HYDIN: variants seen among roughly 807,000 people sequenced by gnomAD.
HYDIN encodes HYDIN axonemal central pair apparatus protein.
HYDIN carries 132 observed loss-of-function variants against 403.9 expected under a neutral mutation model. The observed-to-expected ratio is 0.33, with a 90% CI of 0.28 to 0.38. The LOEUF is 0.38. Among genes scored for constraint, HYDIN ranks in the 10% least tolerant of loss-of-function variants. The pLI, the probability that HYDIN is intolerant of heterozygous loss-of-function variation, is 1.00. For synonymous variants in HYDIN, 1,202 were observed against 1,891.7 expected, an observed-to-expected ratio of 0.64 and a Z score of 9.46; for missense variants, 2,827 against 5,009.5, an observed-to-expected ratio of 0.56 and a Z score of 13.15.
At chr16:71,228,901 C>T (rs2041157144) in intron 1 of HYDIN, among the ~76,000 whole-genome samples, 1 of 152,044 alleles carries the variant, frequency 6.6e-6, no homozygotes, top group Non-Finnish European at 1.5e-5. Flanking sequence ...GACTTGGAAC[C>T]AACCCAAATG....
At chr16:71,077,202 T>A (rs969087568) in intron 13 of HYDIN, among the ~76,000 whole-genome samples, 1 of 152,152 alleles carries the variant, frequency 6.6e-6, no homozygotes, top group African/African-American at 2.4e-5. Context: ...ATTAGTCTAT[T>A]TGCCTATGCT....
chr16:71,212,408 T>G (rs773529397), intron 1 of HYDIN, among the ~76,000 whole-genome samples: 4 of 152,108 alleles, frequency 2.6e-5, no homozygotes, highest in Non-Finnish European at 5.9e-5. Flanking sequence ...TGACTCTAAT[T>G]AAAGGGTATA....
At chr16:70,905,015 C>T (rs955434300) in intron 50 of HYDIN, among the ~76,000 whole-genome samples, 3 of 151,940 alleles carry the variant, frequency 2.0e-5, no homozygotes, top group African/African-American at 4.8e-5. Flanking sequence ...AGTAACTGAG[C>T]GAAGCAAACC....
At chr16:70,925,218 C>G (rs909453225) in intron 45 of HYDIN, among the ~76,000 whole-genome samples, 3 of 152,138 alleles carry the variant, frequency 2.0e-5, no homozygotes, top group African/African-American at 7.2e-5. Flanking sequence ...GGCATGGTGG[C>G]TCATGCCTGT....
chr16:71,187,576 T>C, intron 1 of HYDIN, among the ~76,000 whole-genome samples: 1 of 152,078 alleles, frequency 6.6e-6, no homozygotes, highest in South Asian at 2.1e-4. Flanking sequence ...GGCTAGGTTA[T>C]CCAATCATTG....
chr16:70,930,373 T>C (rs1422867235), intron 45 of HYDIN, among the ~76,000 whole-genome samples: 1 of 152,106 alleles, frequency 6.6e-6, no homozygotes, highest in East Asian at 1.9e-4. Flanking sequence ...CCCAGCTACT[T>C]GGGAGGCTGA....
At chr16:71,078,904 A>G (rs2082699499) in intron 13 of HYDIN, among the ~76,000 whole-genome samples, 1 of 152,136 alleles carries the variant, frequency 6.6e-6, no homozygotes, top group South Asian at 2.1e-4. Flanking sequence ...CGAAATCCCT[A>G]AGTTTTGGTT....
intron 55 of HYDIN, among the ~76,000 whole-genome samples, chr16:70,893,024 C>T (rs113087360): frequency 3.4e-4 from 51 of 152,222 alleles, no homozygotes; most frequent in African/African-American, 9.6e-4. Context: ...CTCATGAGAC[C>T]GGCAGAGGGA....
At chr16:71,184,799 T>C in intron 3 of HYDIN, 66 bp downstream of exon 3, 2 of 1,394,232 alleles carry the variant, frequency 1.4e-6, no homozygotes, top group Non-Finnish European at 1.9e-6. Context: ...ATTTTACTTA[T>C]TGTTCTGGAA....
At chr16:70,951,281 G>T (rs7199620) in intron 41 of HYDIN, among the ~76,000 whole-genome samples, 2 of 95,962 alleles carry the variant, frequency 2.1e-5, no homozygotes, top group African/African-American at 3.3e-5. Context: ...AGAGAGAGAG[G>T]GAGAGAGGGA....
At chr16:71,166,875 G>A (rs2144616965) in intron 5 of HYDIN, among the ~76,000 whole-genome samples, 1 of 151,142 alleles carries the variant, frequency 6.6e-6, no homozygotes, top group Admixed American at 6.6e-5. Flanking sequence ...AGGAGTTCAA[G>A]ACCAGCCTGG....
intron 62 of HYDIN, among the ~76,000 whole-genome samples, chr16:70,876,267 CCTT>C (rs2040444860): frequency 6.9e-6 from 1 of 145,446 alleles, no homozygotes; most frequent in African/African-American, 2.6e-5. Context: ...CTCACTGCAA[CCTT>C]TGTCTCCCGG....
chr16:70,824,675 G>A (rs2036477724), intron 83 of HYDIN, among the ~76,000 whole-genome samples: 1 of 150,116 alleles, frequency 6.7e-6, no homozygotes, highest in Admixed American at 6.6e-5. Context: ...TGGCTAGGCT[G>A]GTCTTGAACT....
intron 74 of HYDIN, among the ~76,000 whole-genome samples, chr16:70,850,150 C>A (rs1192172237): frequency 6.6e-6 from 1 of 152,102 alleles, no homozygotes; most frequent in South Asian, 2.1e-4. Context: ...TCTCATGGAG[C>A]AAAGTGGCAA....
chr16:70,818,667 A>C lies in HYDIN; in HGVS notation c.14428-95T>G. 4.9e-6 allele frequency: 3 copies of C among 614,226 alleles called. No homozygotes were observed. The South Asian group carries it at 5.6e-5, about 12-fold the overall frequency. 38.0% of individuals were successfully genotyped at this position (614,226 alleles called of 1,614,324 possible). On this transcript the variant is annotated intron_variant, in intron 83 of 85. Coordinates refer to ENST00000393567, the MANE Select transcript of HYDIN (RefSeq NM_001270974.2). The stretch of plus-strand genomic sequence containing the variant: ...TCAGAGCCTCCTTCTCTTTTTTAGC[A>C]TTGTTTGGCACATGAAGCACAGGTA...
At chr16:71,050,046 G>C (rs1383520903) in intron 18 of HYDIN, among the ~76,000 whole-genome samples, 2 of 145,812 alleles carry the variant, frequency 1.4e-5, no homozygotes, top group Non-Finnish European at 3.0e-5. Context: ...GTGTGTGTGG[G>C]TGTGTGTGTG....
At chr16:71,197,585 A>G (rs2087764222) in intron 1 of HYDIN, among the ~76,000 whole-genome samples, 2 of 152,210 alleles carry the variant, frequency 1.3e-5, no homozygotes, top group Admixed American at 6.5e-5. Context: ...TCACATAAAG[A>G]ATTATTACAA....
At chr16:71,204,678 A>G (rs1313849633) in intron 1 of HYDIN, among the ~76,000 whole-genome samples, 1 of 150,582 alleles carries the variant, frequency 6.6e-6, no homozygotes, top group Non-Finnish European at 1.5e-5. Flanking sequence ...GCTGTCTGGC[A>G]TATAACAGGG....
At chr16:71,176,689 C>T (rs1371381350) in intron 4 of HYDIN, among the ~76,000 whole-genome samples, 1 of 152,172 alleles carries the variant, frequency 6.6e-6, no homozygotes, top group Non-Finnish European at 1.5e-5. Context: ...CAGAGCAGCT[C>T]CCAACAGCTC....
Sources: allele counts gnomAD v4.1 joint callset (sites outside exome capture counted in the v4.1 genomes callset), GRCh38; gene constraint gnomAD v4.1.1; transcripts MANE v1.5; gene names NCBI Gene and HGNC (gene_info 2026-07-23, HGNC 2026-07-21).